The following TAF3 variants were observed in gnomAD, a reference collection of about 807,000 sequenced individuals.
TAF3 encodes the protein transcription initiation factor TFIID subunit 3.
In TAF3, 7 loss-of-function variants were observed where a neutral mutation model predicts 80.6. The observed-to-expected ratio is 0.09, with a 90% CI of 0.05 to 0.16. The LOEUF (loss-of-function observed/expected upper bound fraction) is 0.16, where lower values mean the gene tolerates loss of function less well. TAF3 is among the 10% of genes least tolerant of loss of function. TAF3 has a pLI of 1.00. For synonymous variants in TAF3, 444 were observed against 446.1 expected, an observed-to-expected ratio of 1.00 and a Z score of 0.06; for missense variants, 921 against 1,140.2, an observed-to-expected ratio of 0.81 and a Z score of 2.77.
chr10:7,840,106 A>G (rs1000544967), intron 2 of TAF3, among the ~76,000 whole-genome samples: 3 of 151,980 alleles, frequency 2.0e-5, no homozygotes, highest in Non-Finnish European at 2.9e-5. Context: ...TTAAGTTTTA[A>G]TGTTTCTAAA....
At chr10:7,867,671 G>A (rs1196310221) in intron 2 of TAF3, among the ~76,000 whole-genome samples, 2 of 152,214 alleles carry the variant, frequency 1.3e-5, no homozygotes, top group East Asian at 3.8e-4. Context: ...TTTTGATAAG[G>A]AGGATAGTTT....
rs150923661 is a variant in TAF3, at chr10:7,964,500, T to C, written c.990T>C (p.Ile330=). The change falls in exon 3 of 7, where the codon ATT becomes ATC. Residue 330 remains isoleucine (I), a synonymous_variant. Coordinates refer to ENST00000344293, the MANE Select transcript of TAF3 (RefSeq NM_031923.4). The surrounding 1 kb of genome is among the most constrained non-coding windows in gnomAD (Gnocchi z 4.1). ...SPKSPKVTTH[I]PQTPVRPETP... is the part of the protein sequence containing the mutation. Reference sequence around the variant, plus strand: ...AGAGCCCCAAGGTCACGACTCACATTCCCCAAACACCTGTGAGACCTGAAA... The same window carrying C: ...AGAGCCCCAAGGTCACGACTCACATCCCCCAAACACCTGTGAGACCTGAAA... 1.2e-6 allele frequency: 2 copies of C among 1,613,082 alleles called. No individual in the cohort carries two copies. The highest frequency in any genetic ancestry group is 2.2e-5 in the East Asian group (1 of 44,842).
intron 1 of TAF3, among the ~76,000 whole-genome samples, chr10:7,823,042 A>G (rs1175580548): frequency 6.6e-6 from 1 of 152,010 alleles, no homozygotes; most frequent in East Asian, 1.9e-4. Context: ...GAGCCTGGGA[A>G]GGTAAGGTTG....
intron 2 of TAF3, among the ~76,000 whole-genome samples, chr10:7,878,689 CAATGTATGTATG>C (rs1285134107): frequency 3.6e-5 from 5 of 139,398 alleles, no homozygotes; most frequent in Non-Finnish European, 7.7e-5. Context: ...TTAATTCAAC[CAATGTATGTATG>C]TATGTATGTA....
At chr10:7,926,630 A>G (rs1364709288) in intron 2 of TAF3, among the ~76,000 whole-genome samples, 1 of 152,200 alleles carries the variant, frequency 6.6e-6, no homozygotes, top group Non-Finnish European at 1.5e-5. Context: ...TTCTTTTAAA[A>G]TCTGTATAAT....
At chr10:7,860,892 T>C (rs1837138558) in intron 2 of TAF3, among the ~76,000 whole-genome samples, 1 of 147,992 alleles carries the variant, frequency 6.8e-6, no homozygotes, top group Non-Finnish European at 1.5e-5. Context: ...CTCTGCCTCC[T>C]GGGTTCAAGC....
intron 4 of TAF3, among the ~76,000 whole-genome samples, chr10:7,995,552 A>G (rs1831879840): frequency 6.6e-6 from 1 of 152,126 alleles, no homozygotes; most frequent in South Asian, 2.1e-4. Context: ...AGATTTTATG[A>G]TTCGGAACAT....
chr10:7,864,113 A>G (rs1236359413), intron 2 of TAF3, among the ~76,000 whole-genome samples: 1 of 152,008 alleles, frequency 6.6e-6, no homozygotes, highest in African/African-American at 2.4e-5. Flanking sequence ...AGTTTTCCTT[A>G]GGTTCACTCT....
chr10:7,966,424 A>G (rs1831572057), intron 3 of TAF3, among the ~76,000 whole-genome samples: 1 of 152,218 alleles, frequency 6.6e-6, no homozygotes, highest in African/African-American at 2.4e-5. Context: ...CATAGCATAC[A>G]GCCCGACAAA....
chr10:7,911,191 C>T (rs950468900), intron 2 of TAF3, among the ~76,000 whole-genome samples: 4 of 152,144 alleles, frequency 2.6e-5, no homozygotes, highest in South Asian at 2.1e-4. Context: ...TCAAAACTCA[C>T]TTCTTTAGAA....
intron 2 of TAF3, among the ~76,000 whole-genome samples, chr10:7,962,140 C>T (rs1265854234): frequency 6.6e-6 from 1 of 152,190 alleles, no homozygotes; most frequent in African/African-American, 2.4e-5. Context: ...CATGAGCCAC[C>T]ATGCCTGACC....
chr10:7,906,232 T>C (rs1837607508), intron 2 of TAF3, among the ~76,000 whole-genome samples: 2 of 152,224 alleles, frequency 1.3e-5, no homozygotes, highest in African/African-American at 4.8e-5. Context: ...TTAATTTCAG[T>C]ATTGGATGGT....
intron 2 of TAF3, among the ~76,000 whole-genome samples, chr10:7,840,368 G>T (rs1377434271): frequency 2.6e-5 from 4 of 151,786 alleles, no homozygotes; most frequent in Non-Finnish European, 4.4e-5. Flanking sequence ...TAGCCAGGAT[G>T]GTCTCGATCT....
Position 7,961,894 on chromosome 10 carries a change from G to A in TAF3, c.410-2026G>A, listed in dbSNP as rs1324792543. 2.0e-5 allele frequency among the ~76,000 whole-genome samples: 3 copies of A among 152,026 alleles called. No homozygotes were observed. In the East Asian group the frequency reaches 5.8e-4, roughly 29 times the overall value. On this transcript the variant is annotated intron_variant, in intron 2 of 6. Coordinates refer to ENST00000344293, the MANE Select transcript of TAF3 (RefSeq NM_031923.4). ...AAATAGGGTCTCGCTCTGTCGCCCAGGCTGGAGTGCAGTGGCGCAATCATG... is the reference window on the plus strand; with the variant it reads ...AAATAGGGTCTCGCTCTGTCGCCCAAGCTGGAGTGCAGTGGCGCAATCATG...
chr10:7,944,651 A>G (rs1028721518), intron 2 of TAF3, among the ~76,000 whole-genome samples: 5 of 152,224 alleles, frequency 3.3e-5, no homozygotes, highest in African/African-American at 4.8e-5. Flanking sequence ...GTAATGGAAT[A>G]CAAAGGGTTA....
At chr10:7,992,038 G>A (rs1831840920) in intron 4 of TAF3, among the ~76,000 whole-genome samples, 1 of 152,158 alleles carries the variant, frequency 6.6e-6, no homozygotes, top group Admixed American at 6.5e-5. Flanking sequence ...ATTTTCATGT[G>A]AAAGCATCTT....
At chr10:7,916,988 A>C (rs1385855955) in intron 2 of TAF3, among the ~76,000 whole-genome samples, 1 of 152,234 alleles carries the variant, frequency 6.6e-6, no homozygotes, top group African/African-American at 2.4e-5. Flanking sequence ...TTGGATTCAT[A>C]GGGATCTGGG....
At chr10:7,892,088 A>G (rs893974379) in intron 2 of TAF3, among the ~76,000 whole-genome samples, 4 of 152,220 alleles carry the variant, frequency 2.6e-5, no homozygotes, top group Non-Finnish European at 2.9e-5. Context: ...TTAAATATTT[A>G]TTGAGTAATT....
intron 2 of TAF3, among the ~76,000 whole-genome samples, chr10:7,870,138 A>C (rs994530257): frequency 6.6e-6 from 1 of 152,250 alleles, no homozygotes; most frequent in African/African-American, 2.4e-5. Flanking sequence ...CTCTAAAGAC[A>C]TGTCTTTCCC....
Sources: gnomAD v4.1 joint callset for allele counts (sites outside exome capture counted in the v4.1 genomes callset) on GRCh38, gnomAD v4.1.1 for gene constraint, Gnocchi (gnomAD v3.1) non-coding constraint, MANE v1.5 for transcripts, NCBI Gene and HGNC (gene_info 2026-07-23, HGNC 2026-07-21) for gene names.